The following C14orf132 variants were observed in gnomAD, a reference collection of about 807,000 sequenced individuals.
C14orf132 encodes chromosome 14 open reading frame 132.
Under a neutral mutation model 5.8 loss-of-function variants are expected in C14orf132, and 6 were observed. The observed-to-expected ratio is 1.03, with a 90% CI of 0.57 to 2.04. The LOEUF (loss-of-function observed/expected upper bound fraction) is 2.04. Among genes scored for constraint, C14orf132 ranks in the 30% most tolerant of loss-of-function variants. C14orf132 has a pLI of 0.00. For missense variants in C14orf132, 125 were observed against 115.8 expected, an observed-to-expected ratio of 1.08 and a Z score of -0.37; for synonymous variants, 51 against 49.8, an observed-to-expected ratio of 1.02 and a Z score of -0.10.
At position 96,090,453 on chromosome 14, in the gene C14orf132, T is replaced by C. The variant is rs1380333298; in HGVS notation, c.*3718T>C. The C allele has an allele frequency of 3.1e-6, 1 of 326,268 alleles. No individual in the cohort carries two copies. The highest frequency in any genetic ancestry group is 4.1e-5 in the Admixed American group (1 of 24,328). 20.2% of individuals were successfully genotyped at this position (326,268 alleles called of 1,614,324 possible). ...ACTTACTGCTTTGTGAGGTTGTGAG[T>C]GGCCACCACTGAAGGTCTTTGAGAA... is the stretch of plus-strand genomic sequence containing the variant. On this transcript the variant is annotated 3_prime_UTR_variant, in exon 2 of 2. Transcript: ENST00000555004.
chr14:96,081,895 C>T (rs550752964), intron 1 of C14orf132, among the ~76,000 whole-genome samples: 76 of 152,284 alleles, frequency 5.0e-4, no homozygotes, highest in African/African-American at 1.8e-3. Context: ...TCACCGCACC[C>T]GGCCAACAAA....
In C14orf132 at chr14:96,039,522, G is replaced by T. The variant is rs1328879945; in HGVS notation, c.22G>T (p.Ala8Ser). 5.3e-6 allele frequency: 8 copies of T among 1,502,430 alleles called. No homozygotes were observed. The Admixed American group carries it at 8.3e-5, about 16-fold the overall frequency. The allele number at this position is 1,502,430 out of a possible 1,614,324, so 93.1% of individuals were successfully genotyped here. Residue 8 changes from alanine to serine, a missense_variant, in exon 1 of 2, where the codon GCG becomes TCG. Coordinates refer to ENST00000555004, the MANE Select transcript of C14orf132 (RefSeq NM_001252507.3). The surrounding 1 kb of genome is among the most constrained non-coding windows in gnomAD (Gnocchi z 5.3). ...CACCATGGATCTCTCCTTTATGGCC[G>T]CGCAGGTAACGGGGCGTCCCCCCCA... MDLSFMA[A>S]QLPMMGGAFM...
intron 1 of C14orf132, among the ~76,000 whole-genome samples, chr14:96,064,429 C>CATATAT (rs1405444298): frequency 1.4e-5 from 2 of 146,998 alleles, no homozygotes; most frequent in Non-Finnish European, 3.0e-5. Context: ...CATATATACA[C>CATATAT]ATATATATGT....
chr14:96,069,255 TCATA>T lies in C14orf132; in HGVS notation c.28-17255_28-17252del, dbSNP rs1435350124. ...TATATGTTATTGGTTCTGTTTATGT[TCATA>T]TATATATATATATATATATATATAT... is the stretch of plus-strand genomic sequence containing the variant. On this transcript the variant is annotated intron_variant, in intron 1 of 1. Coordinates refer to ENST00000555004, the MANE Select transcript of C14orf132 (RefSeq NM_001252507.3). Among the ~76,000 whole-genome samples, 8 of 68,120 alleles carry T rather than the reference TCATA, an allele frequency of 1.2e-4. 1 individual carries two copies. Among genetic ancestry groups the T allele is most frequent in the Admixed American group, 1.6e-4 (1 of 6,068 alleles). 44.7% of individuals were successfully genotyped at this position (68,120 alleles called of 152,430 possible). A position where few individuals can be genotyped will look rare whatever the true frequency, so the allele number is the denominator to read the frequency against.
intron 1 of C14orf132, among the ~76,000 whole-genome samples, chr14:96,063,718 G>T (rs915448030): frequency 5.9e-5 from 9 of 152,110 alleles, no homozygotes; most frequent in African/African-American, 2.2e-4. Flanking sequence ...AAGATAAATA[G>T]CTGGGACCTA....
At chr14:96,082,215 C>T (rs1052469150) in intron 1 of C14orf132, among the ~76,000 whole-genome samples, 1 of 152,188 alleles carries the variant, frequency 6.6e-6, no homozygotes, top group African/African-American at 2.4e-5. Flanking sequence ...AACCCTGTTG[C>T]TCATTTCCAG....
intron 1 of C14orf132, among the ~76,000 whole-genome samples, chr14:96,081,074 T>A (rs1272154246): frequency 3.3e-5 from 5 of 152,310 alleles, no homozygotes; most frequent in Non-Finnish European, 7.3e-5. Flanking sequence ...ATGAAATCAG[T>A]CTGCTTTGTC....
At position 96,039,607 on chromosome 14, in the gene C14orf132, G is replaced by C. The variant is rs1303891372; in HGVS notation, c.27+80G>C. ...GGCCACGGTCTCGCCCTCCACGCTG[G>C]GGCTGGGCAGTGGCGCCCGCCCGCG... is the stretch of plus-strand genomic sequence containing the variant. On this transcript the variant is annotated intron_variant, in intron 1 of 1. Transcript: ENST00000555004. This position sits in a 1 kb window ranked among gnomAD's most constrained non-coding sequence, Gnocchi z 5.3. 2 of 1,369,398 alleles carry C rather than the reference G, an allele frequency of 1.5e-6. No individual in the cohort carries two copies. The highest frequency in any genetic ancestry group is 2.6e-5 in the Admixed American group (1 of 38,908). The allele number at this position is 1,369,398 out of a possible 1,614,324, so 84.8% of individuals were successfully genotyped here. A position where few individuals can be genotyped will look rare whatever the true frequency, so the allele number is the denominator to read the frequency against.
At chr14:96,061,152 C>T (rs534245733) in intron 1 of C14orf132, among the ~76,000 whole-genome samples, 1 of 152,262 alleles carries the variant, frequency 6.6e-6, no homozygotes, top group South Asian at 2.1e-4. Flanking sequence ...ATTCTCAGGG[C>T]TTTTCTTCTG....
In C14orf132 at chr14:96,084,751, G is replaced by A. The variant is rs1888128864; in HGVS notation, c.28-1760G>A. On this transcript the variant is annotated intron_variant, in intron 1 of 1. Transcript: ENST00000555004. ...CTGGCCTGCCCTGAGCCCCATAGCA[G>A]TCCTTTCCAGTCACTGCACTCTCTA... 2.0e-5 allele frequency among the ~76,000 whole-genome samples: 3 copies of A among 152,204 alleles called. No individual in the cohort carries two copies. The South Asian group carries it at 6.2e-4, about 32-fold the overall frequency.
At chr14:96,060,837 G>A (rs1887330576) in intron 1 of C14orf132, among the ~76,000 whole-genome samples, 2 of 152,170 alleles carry the variant, frequency 1.3e-5, no homozygotes, top group African/African-American at 4.8e-5. Context: ...AACATCCAAG[G>A]AGCTGAGATG....
chr14:96,056,143 T>C (rs1257559746), intron 1 of C14orf132, among the ~76,000 whole-genome samples: 2 of 152,240 alleles, frequency 1.3e-5, no homozygotes, highest in Non-Finnish European at 2.9e-5. Flanking sequence ...GTGTAGGCCA[T>C]TCTAGCTGCT....
chr14:96,089,718 A>G lies in C14orf132; in HGVS notation c.*2983A>G, dbSNP rs138105237. The G allele has an allele frequency of 6.6e-6, 1 of 152,146 alleles. No individual in the cohort carries two copies. The highest frequency in any genetic ancestry group is 1.5e-5 in the Non-Finnish European group (1 of 68,056). The allele number at this position is 152,146 out of a possible 1,614,324, so 9.4% of individuals were successfully genotyped here. On this transcript the variant is annotated 3_prime_UTR_variant, in exon 2 of 2. Coordinates refer to ENST00000555004, the MANE Select transcript of C14orf132 (RefSeq NM_001252507.3). ...GGCCTGCCCCCTTCTTTAAGACTGA[A>G]CTCAAGTCTCCTTGGAAGGCCCCGG...
rs1290769213 is a variant in C14orf132, at chr14:96,088,411, C to G, written c.*1676C>G. 6.6e-6 allele frequency: 1 copy of G among 152,326 alleles called. No homozygotes were observed. Among genetic ancestry groups the G allele is most frequent in the African/African-American group, 2.4e-5 (1 of 41,546 alleles). 9.4% of individuals were successfully genotyped at this position (152,326 alleles called of 1,614,324 possible). A position where few individuals can be genotyped will look rare whatever the true frequency, so the allele number is the denominator to read the frequency against. On this transcript the variant is annotated 3_prime_UTR_variant, in exon 2 of 2. Transcript: ENST00000555004. ...GGGGAGGTCACGAGTGCAAAAGAAC[C>G]TGACCCTTGACAATGAGGGAGAAGG...
At chr14:96,077,255 C>T (rs1887896629) in intron 1 of C14orf132, among the ~76,000 whole-genome samples, 1 of 152,114 alleles carries the variant, frequency 6.6e-6, no homozygotes, top group Non-Finnish European at 1.5e-5. Flanking sequence ...TAATTTTGGA[C>T]TGGATTCTGG....
At chr14:96,086,472 C>T in intron 1 of C14orf132, 39 bp from the exon 2 acceptor site, 1 of 1,526,764 alleles carries the variant, frequency 6.5e-7, no homozygotes, top group Non-Finnish European at 8.8e-7. Flanking sequence ...TGCCCAAGCC[C>T]CCATGGCCCT....
intron 1 of C14orf132, among the ~76,000 whole-genome samples, chr14:96,084,156 G>C (rs966652337): frequency 6.6e-6 from 1 of 152,238 alleles, no homozygotes; most frequent in South Asian, 2.1e-4. Context: ...GATCCCATTC[G>C]TGGAGTCCAG....
chr14:96,051,238 A>T (rs1446407930), intron 1 of C14orf132: 1 of 398,472 alleles, frequency 2.5e-6, no homozygotes, highest in African/African-American at 2.1e-5. Flanking sequence ...CTGTGACAGG[A>T]TGTTCCATGA....
intron 1 of C14orf132, among the ~76,000 whole-genome samples, chr14:96,043,362 A>G (rs1322839924): frequency 1.3e-5 from 2 of 152,158 alleles, no homozygotes; most frequent in African/African-American, 2.4e-5. Flanking sequence ...AGCACTCATT[A>G]TGGGGGAATG....
Sources: gnomAD v4.1 joint callset for allele counts (sites outside exome capture counted in the v4.1 genomes callset) on GRCh38, gnomAD v4.1.1 for gene constraint, Gnocchi (gnomAD v3.1) non-coding constraint, MANE v1.5 for transcripts, NCBI Gene and HGNC (gene_info 2026-07-23, HGNC 2026-07-21) for gene names.